RHOT2: variants seen among roughly 807,000 people sequenced by gnomAD.
RHOT2 encodes ras homolog family member T2.
In RHOT2, 90 loss-of-function variants were observed where a neutral mutation model predicts 81.6. That is an observed-to-expected ratio of 1.10 (90% CI 0.93 to 1.31). The LOEUF (loss-of-function observed/expected upper bound fraction) is 1.31. Ranked by LOEUF, RHOT2 falls within the 40% of genes most tolerant of loss-of-function variation. The pLI, the probability that RHOT2 is intolerant of heterozygous loss-of-function variation, is 0.00. For missense variants in RHOT2, 1,014 were observed against 841.9 expected (o/e 1.20, Z -2.53); for synonymous variants, 512 against 370.9 (o/e 1.38, Z -4.37).
At position 673,757 on chromosome 16, in the gene RHOT2, A is replaced by T; in HGVS notation, c.*151A>T. 1.0e-6 allele frequency: 1 copy of T among 971,542 alleles called. No homozygotes were observed. Among genetic ancestry groups the T allele is most frequent in the Non-Finnish European group, 1.5e-6 (1 of 669,560 alleles). The allele number at this position is 971,542 out of a possible 1,614,324, so 60.2% of individuals were successfully genotyped here. A position where few individuals can be genotyped will look rare whatever the true frequency, so the allele number is the denominator to read the frequency against. ...TTGTTTCTGAAGGCAGTCGATCTGC[A>T]GCGGGGCCTTATGCTGCCATGCACT... is the stretch of plus-strand genomic sequence containing the variant. On this transcript the variant is annotated 3_prime_UTR_variant, in exon 19 of 19. Coordinates refer to ENST00000315082, the MANE Select transcript of RHOT2 (RefSeq NM_138769.3).
In RHOT2 at chr16:668,146, G is replaced by T; in HGVS notation, c.-54G>T. On this transcript the variant is annotated 5_prime_UTR_variant, in exon 1 of 19. Coordinates refer to ENST00000315082, the MANE Select transcript of RHOT2 (RefSeq NM_138769.3). ...GGCGCGGGGGCAGAGCGAAAGGCTTGAGGACCAGGTCGGGGCCGGGTTCCG... is the reference window on the plus strand; with the variant it reads ...GGCGCGGGGGCAGAGCGAAAGGCTTTAGGACCAGGTCGGGGCCGGGTTCCG... 2.3e-6 allele frequency: 1 copy of T among 433,160 alleles called. No homozygotes were observed. The allele number at this position is 433,160 out of a possible 1,614,324, so 26.8% of individuals were successfully genotyped here.
chr16:671,288 T>C (rs1221754170), intron 11 of RHOT2, 85 bp downstream of exon 11: 2 of 1,483,712 alleles, frequency 1.3e-6, no homozygotes, highest in Admixed American at 4.6e-5. Flanking sequence ...TGAGTGACGC[T>C]GGGGTTTGAG....
rs944624951 is a variant in RHOT2 at position 668,578 on chromosome 16, C to T, written c.178+9C>T. On this transcript the variant is annotated intron_variant, in intron 3 of 18. Coordinates refer to ENST00000315082, the MANE Select transcript of RHOT2 (RefSeq NM_138769.3). ...CATCGTGGACTACTCAGGTAGCGGC[C>T]GTAGCCTCCCGGGGGCCCGGCCCGC... 10 of 1,610,436 alleles carry T rather than the reference C, an allele frequency of 6.2e-6. No homozygotes were observed. The highest frequency in any genetic ancestry group is 1.3e-5 in the African/African-American group (1 of 74,852).
Position 669,870 on chromosome 16 carries a change from A to G in RHOT2, c.277-253A>G, listed in dbSNP as rs973001883. On this transcript the variant is annotated intron_variant, in intron 5 of 18. Coordinates refer to ENST00000315082, the MANE Select transcript of RHOT2 (RefSeq NM_138769.3). ...CAAACCCCCGGGGGGGGACCCGCAG[A>G]GGGCCTGCGTTGGGGGCGGCCCTAG... 9.8e-6 allele frequency: 6 copies of G among 612,076 alleles called. No homozygotes were observed. The Admixed American group carries it at 1.5e-4, about 15-fold the overall frequency. The allele number at this position is 612,076 out of a possible 1,614,324, so 37.9% of individuals were successfully genotyped here.
rs769503816 is a variant in RHOT2, at chr16:668,642, C to T, written c.179-14C>T. On this transcript the variant is annotated splice_polypyrimidine_tract_variant and intron_variant, in intron 3 of 18. Coordinates refer to ENST00000315082, the MANE Select transcript of RHOT2 (RefSeq NM_138769.3). ...GCCTGCTGGGTCCGCAGTGGAGTCT[C>T]TTTGTCCCCCTAGAAGCCGAGCAGA... 5.6e-6 allele frequency: 9 copies of T among 1,608,326 alleles called. No individual in the cohort carries two copies. The highest frequency in any genetic ancestry group is 3.3e-5 in the South Asian group (3 of 90,360).
At chr16:671,810 G>GGCCCCGGC in intron 12 of RHOT2, 29 bp downstream of exon 12, 1 of 1,586,164 alleles carries the variant, frequency 6.3e-7, no homozygotes, top group Non-Finnish European at 8.6e-7. Context: ...CCCTGCCCCT[G>GGCCCCGGC]CCCCCGCCCC....
chr16:669,823 GTCC>G (rs2038607990), intron 5 of RHOT2: 1 of 616,472 alleles, frequency 1.6e-6, no homozygotes, highest in Non-Finnish European at 2.8e-6. Context: ...GAGGCCGGCA[GTCC>G]TCTTTCTTCC....
intron 18 of RHOT2, 21 bp from the exon 19 acceptor site, chr16:673,459 G>A (rs1378919450): frequency 6.2e-7 from 1 of 1,612,564 alleles, no homozygotes; most frequent in Non-Finnish European, 8.5e-7. Flanking sequence ...GGTATCTGCA[G>A]ATGATTCTTC....
rs373753356 is a variant in RHOT2, at chr16:670,515, C to T, written c.498C>T (p.Val166=). 6 of 1,608,636 alleles carry T rather than the reference C, an allele frequency of 3.7e-6. No homozygotes were observed. The highest frequency in any genetic ancestry group is 1.7e-4 in the Middle Eastern group (1 of 6,038). Residue 166 remains valine, a synonymous_variant, in exon 8 of 19, where the codon GTC becomes GTT. Transcript: ENST00000315082. Reference sequence around the variant, plus strand: ...TGTTCTACTACGCCCAGAAGGCCGTCCTGCATCCCACAGCCCCCCTCTATG... The same window carrying T: ...TGTTCTACTACGCCCAGAAGGCCGTTCTGCATCCCACAGCCCCCCTCTATG... ...SELFYYAQKA[V]LHPTAPLYDP... is the part of the protein sequence containing the mutation.
In RHOT2 at chr16:671,197, C is replaced by T. The variant is rs575496062; in HGVS notation, c.863C>T (p.Ser288Phe). The T allele has an allele frequency of 1.9e-5, 30 of 1,555,822 alleles. No homozygotes were observed. Among genetic ancestry groups the T allele is most frequent in the Middle Eastern group, 1.7e-4 (1 of 5,760 alleles). ...DALELTADYL[S>F]PLIHVPPGCS... Reference sequence around the variant, plus strand: ...CTGGAGCTGACTGCGGACTATCTCTCCCCTCTGTGAGTGATGCCGGGGCTT... The same window carrying T: ...CTGGAGCTGACTGCGGACTATCTCTTCCCTCTGTGAGTGATGCCGGGGCTT... The change falls in exon 11 of 19, where the codon TCC (serine) becomes TTC (phenylalanine). Residue 288 changes from serine to phenylalanine, a missense_variant. Transcript: ENST00000315082.
In RHOT2 at chr16:669,564, G is replaced by A; in HGVS notation, c.234G>A (p.Val78=). ...LREEIHKANV[V]CVVYDVSEEA... ...CACTGTTCCCTCAGGCAAACGTGGT[G>A]TGTGTGGTGTATGACGTCTCTGAGG... The change falls in exon 5 of 19, where the codon GTG becomes GTA. Residue 78 remains valine, a synonymous_variant. Coordinates refer to ENST00000315082, the MANE Select transcript of RHOT2 (RefSeq NM_138769.3). 1 of 1,612,020 alleles carries A rather than the reference G, an allele frequency of 6.2e-7. No homozygotes were observed. The highest frequency in any genetic ancestry group is 8.5e-7 in the Non-Finnish European group (1 of 1,179,802).
Position 670,525 on chromosome 16 carries a change from A to G in RHOT2, c.508A>G (p.Thr170Ala). Residue 170 changes from threonine to alanine, a missense_variant, in exon 8 of 19, where the codon ACA becomes GCA. Physicochemically the swap from Thr to Ala is moderately conservative, Grantham distance 58. Coordinates refer to ENST00000315082, the MANE Select transcript of RHOT2 (RefSeq NM_138769.3). ...CGCCCAGAAGGCCGTCCTGCATCCC[A>G]CAGCCCCCCTCTATGACCCTGAGGC... ...YYAQKAVLHP[T>A]APLYDPEAKQ... The G allele has an allele frequency of 6.2e-7, 1 of 1,608,098 alleles. No individual in the cohort carries two copies. The highest frequency in any genetic ancestry group is 8.5e-7 in the Non-Finnish European group (1 of 1,177,516).
chr16:668,960 T>C, intron 4 of RHOT2: 1 of 530,158 alleles, frequency 1.9e-6, no homozygotes. Flanking sequence ...CAGCGTTTGC[T>C]CTTCCTGTGG....
In RHOT2 at chr16:674,131, G is replaced by T. The variant is rs538735828; in HGVS notation, c.*525G>T. The T allele has an allele frequency of 4.8e-6, 1 of 209,300 alleles. No individual in the cohort carries two copies. The highest frequency in any genetic ancestry group is 1.0e-5 in the Non-Finnish European group (1 of 99,614). The allele number at this position is 209,300 out of a possible 1,614,324, so 13.0% of individuals were successfully genotyped here. A position where few individuals can be genotyped will look rare whatever the true frequency, so the allele number is the denominator to read the frequency against. Reference sequence around the variant, plus strand: ...AACTTCACTGTGTGTTTTCTATCTCGGATCCCAGTCTCTGAAGACAACTTG... The same window carrying T: ...AACTTCACTGTGTGTTTTCTATCTCTGATCCCAGTCTCTGAAGACAACTTG... On this transcript the variant is annotated 3_prime_UTR_variant, in exon 19 of 19. Coordinates refer to ENST00000315082, the MANE Select transcript of RHOT2 (RefSeq NM_138769.3).
At chr16:671,472 G>T (rs897355970) in intron 11 of RHOT2, among the ~76,000 whole-genome samples, 1 of 152,220 alleles carries the variant, frequency 6.6e-6, no homozygotes. Context: ...GCTGGGGTCG[G>T]CAGCTTGGGG....
At chr16:668,593 G>T in intron 3 of RHOT2, 24 bp downstream of exon 3, 2 of 1,609,936 alleles carry the variant, frequency 1.2e-6, no homozygotes, top group Non-Finnish European at 1.7e-6. Flanking sequence ...CCTCCCGGGG[G>T]CCCGGCCCGC....
In RHOT2 at chr16:672,928, C is replaced by G. The variant is rs1180241329; in HGVS notation, c.1528C>G (p.His510Asp). The G allele has an allele frequency of 6.2e-7, 1 of 1,612,716 alleles. No homozygotes were observed. The highest frequency in any genetic ancestry group is 1.3e-5 in the African/African-American group (1 of 74,954). ...SFAHCASVYKHHYMDGQTPCL... is the reference protein window; with the variant it reads ...SFAHCASVYKDHYMDGQTPCL... ...ACCTCATACCACTCTCTGCCCACAGCACCATTACATGGACGGGCAGACCCC... is the reference window on the plus strand; with the variant it reads ...ACCTCATACCACTCTCTGCCCACAGGACCATTACATGGACGGGCAGACCCC... The change falls in exon 18 of 19, where the codon CAC (histidine) becomes GAC (aspartate). Residue 510 changes from histidine to aspartate, a missense_variant and splice_region_variant. Transcript: ENST00000315082.
chr16:670,208 C>T, intron 6 of RHOT2, 33 bp downstream of exon 6: 1 of 1,611,458 alleles, frequency 6.2e-7, no homozygotes, highest in Non-Finnish European at 8.5e-7. Context: ...GCTGGGACCC[C>T]TGGCTCCCCT....
At chr16:668,462 C>T in intron 2 of RHOT2, 26 bp from the exon 3 acceptor site, 4 of 1,589,994 alleles carry the variant, frequency 2.5e-6, no homozygotes, top group African/African-American at 1.4e-5. Context: ...CCGGGGGTCC[C>T]TGGTGAGCGC....
Sources: allele counts gnomAD v4.1 joint callset (sites outside exome capture counted in the v4.1 genomes callset), GRCh38; gene constraint gnomAD v4.1.1; transcripts MANE v1.5; gene names NCBI Gene and HGNC (gene_info 2026-07-23, HGNC 2026-07-21).